ESRRB: variants seen among roughly 807,000 people sequenced by gnomAD.
The protein encoded by ESRRB is estrogen related receptor beta.
A neutral mutation model predicts 46.0 loss-of-function variants in ESRRB; 16 were observed. The ratio of observed to expected loss-of-function variants is 0.35; its 90% CI spans 0.24 to 0.53. The LOEUF is 0.53. ESRRB is among the 20% of genes least tolerant of loss of function. The pLI is 0.93. For missense variants in ESRRB, 488 were observed against 607.4 expected, an observed-to-expected ratio of 0.80 and a Z score of 2.07; for synonymous variants, 246 against 259.6, an observed-to-expected ratio of 0.95 and a Z score of 0.50.
chr14:76,465,784 A>G (rs559357605), intron 3 of ESRRB, among the ~76,000 whole-genome samples: 1 of 152,090 alleles, frequency 6.6e-6, no homozygotes, highest in Non-Finnish European at 1.5e-5. Flanking sequence ...TCCCTCCCCC[A>G]CTCCCCGCCA....
At chr14:76,374,200 G>C (rs1884690292), upstream of ESRRB, among the ~76,000 whole-genome samples, 2 of 152,334 alleles carry the variant, frequency 1.3e-5, no homozygotes, top group African/African-American at 4.8e-5. Flanking sequence ...AGATGCTAGA[G>C]ATTCTCTGGT....
At chr14:76,434,145 C>T (rs549656300) in intron 1 of ESRRB, among the ~76,000 whole-genome samples, 1 of 152,096 alleles carries the variant, frequency 6.6e-6, no homozygotes, top group South Asian at 2.1e-4. Flanking sequence ...ACCTGGCCTG[C>T]CTTTAAATTT....
At chr14:76,313,100 T>A (rs1883757649) in intron 1 of ESRRB, among the ~76,000 whole-genome samples, 1 of 152,028 alleles carries the variant, frequency 6.6e-6, no homozygotes, top group Non-Finnish European at 1.5e-5. Context: ...CTGGGCTACG[T>A]GTAGATCCTT....
chr14:76,347,921 G>A (rs1884269688), intron 1 of ESRRB, among the ~76,000 whole-genome samples: 1 of 152,142 alleles, frequency 6.6e-6, no homozygotes, highest in East Asian at 1.9e-4. Context: ...CAAATGGTCA[G>A]GAAATACTTG....
At chr14:76,317,056 C>A (rs542386870) in intron 1 of ESRRB, among the ~76,000 whole-genome samples, 1 of 152,138 alleles carries the variant, frequency 6.6e-6, no homozygotes, top group East Asian at 1.9e-4. Flanking sequence ...GTGTCTGCTT[C>A]CATTAGCACA....
intron 1 of ESRRB, among the ~76,000 whole-genome samples, chr14:76,317,000 G>A (rs1191632516): frequency 6.6e-6 from 1 of 152,126 alleles, no homozygotes. Context: ...CTCTGGTCCC[G>A]GGTGGTACAC....
Position 76,376,360 on chromosome 14 carries a change from C to T in ESRRB, c.-42C>T, listed in dbSNP as rs1216815572. 6.5e-6 allele frequency: 8 copies of T among 1,223,676 alleles called. No homozygotes were observed. The East Asian group carries it at 2.5e-4, about 39-fold the overall frequency. The allele number at this position is 1,223,676 out of a possible 1,614,324, so 75.8% of individuals were successfully genotyped here. On this transcript the variant is annotated 5_prime_UTR_variant, in exon 1 of 7. Coordinates refer to ENST00000644823, the MANE Select transcript of ESRRB (RefSeq NM_001379180.1). This position sits in a 1 kb window ranked among gnomAD's most constrained non-coding sequence, Gnocchi z 4.1. Reference sequence around the variant, plus strand: ...CACTCGCTCTTCCGCGTGATTTCCCCGCCGTCTTTCTCTACCAACTGGGAA... The same window carrying T: ...CACTCGCTCTTCCGCGTGATTTCCCTGCCGTCTTTCTCTACCAACTGGGAA...
intron 1 of ESRRB, among the ~76,000 whole-genome samples, chr14:76,415,738 C>T (rs1886669827): frequency 6.6e-6 from 1 of 152,196 alleles, no homozygotes; most frequent in South Asian, 2.1e-4. Context: ...AACTCTTGGG[C>T]TCAAATGGTG....
intron 1 of ESRRB, among the ~76,000 whole-genome samples, chr14:76,338,296 C>G (rs778932787): frequency 2.6e-5 from 4 of 152,182 alleles, no homozygotes; most frequent in African/African-American, 9.7e-5. Context: ...GGGCATGGAG[C>G]GAGCACCCAG....
At chr14:76,332,739 T>C (rs371001062) in intron 1 of ESRRB, among the ~76,000 whole-genome samples, 18 of 21,670 alleles carry the variant, frequency 8.3e-4, no homozygotes, top group African/African-American at 3.5e-3. Flanking sequence ...TTATATATTA[T>C]ATATTTATAT....
intron 2 of ESRRB, among the ~76,000 whole-genome samples, chr14:76,446,368 CG>C (rs1158406230): frequency 2.4e-5 from 3 of 127,630 alleles, no homozygotes; most frequent in African/African-American, 3.4e-5. Context: ...TTCTGTTGTT[CG>C]TTTTTTTTTT....
intron 1 of ESRRB, among the ~76,000 whole-genome samples, chr14:76,433,947 C>T (rs1352721468): frequency 1.3e-5 from 2 of 150,550 alleles, no homozygotes; most frequent in Non-Finnish European, 2.9e-5. Flanking sequence ...TTCTTTCCCT[C>T]TGTCCTGCCT....
chr14:76,366,370 G>C (rs1465644172), upstream of ESRRB, among the ~76,000 whole-genome samples: 1 of 152,160 alleles, frequency 6.6e-6, no homozygotes, highest in Admixed American at 6.5e-5. Flanking sequence ...GACACAGCTG[G>C]GTGAGGAAGT....
intron 1 of ESRRB, among the ~76,000 whole-genome samples, chr14:76,396,478 G>A (rs191921259): frequency 1.1e-3 from 161 of 152,322 alleles, no homozygotes; most frequent in Middle Eastern, 3.4e-3. Context: ...TTGATTGTAT[G>A]TACATATTCT....
At chr14:76,497,310 C>CAGGGA (rs1890470075) in intron 6 of ESRRB, among the ~76,000 whole-genome samples, 2 of 152,076 alleles carry the variant, frequency 1.3e-5, no homozygotes, top group Non-Finnish European at 2.9e-5. Flanking sequence ...GCCTGAGTCC[C>CAGGGA]CACAGGAATA....
At chr14:76,390,834 C>G (rs1315134057) in intron 1 of ESRRB, among the ~76,000 whole-genome samples, 1 of 152,122 alleles carries the variant, frequency 6.6e-6, no homozygotes, top group Admixed American at 6.5e-5. Context: ...GATTGTGCCC[C>G]AGGCCCTTTG....
chr14:76,451,206 G>A (rs1263133516), intron 2 of ESRRB, among the ~76,000 whole-genome samples: 1 of 152,216 alleles, frequency 6.6e-6, no homozygotes, highest in Admixed American at 6.5e-5. Context: ...GGCTTCACAG[G>A]TCATGGTAAG....
At chr14:76,407,222 C>A (rs1221863361) in intron 1 of ESRRB, among the ~76,000 whole-genome samples, 1 of 152,192 alleles carries the variant, frequency 6.6e-6, no homozygotes. Context: ...CAGAGACCAG[C>A]GATCTGAATT....
intron 1 of ESRRB, among the ~76,000 whole-genome samples, chr14:76,336,924 G>A (rs931503574): frequency 5.3e-5 from 8 of 152,126 alleles, no homozygotes; most frequent in East Asian, 1.9e-4. Context: ...GGCAAGTGCC[G>A]TAGAGAACTA....
Sources: allele counts gnomAD v4.1 joint callset (sites outside exome capture counted in the v4.1 genomes callset), GRCh38; gene constraint gnomAD v4.1.1; non-coding constraint Gnocchi (gnomAD v3.1); transcripts MANE v1.5; gene names NCBI Gene and HGNC (gene_info 2026-07-23, HGNC 2026-07-21).